The following VPS13B variants were observed in gnomAD, a reference collection of about 807,000 sequenced individuals.
The protein encoded by VPS13B is intermembrane lipid transfer protein VPS13B.
In VPS13B, 285 loss-of-function variants were observed where a neutral mutation model predicts 426.4. The ratio of observed to expected loss-of-function variants is 0.67; its 90% CI spans 0.61 to 0.74. The LOEUF (loss-of-function observed/expected upper bound fraction) is 0.74, where lower values mean the gene tolerates loss of function less well. Ranked by LOEUF, VPS13B falls within the 30% of genes least tolerant of loss-of-function variation. The pLI is 0.00. For synonymous variants in VPS13B, 1,676 were observed against 1,676.4 expected (o/e 1.00, Z 0.01); for missense variants, 4,537 against 4,782.6 (o/e 0.95, Z 1.51).
chr8:99,497,113 A>T (rs1040476647), intron 25 of VPS13B, among the ~76,000 whole-genome samples: 1 of 142,136 alleles, frequency 7.0e-6, no homozygotes, highest in African/African-American at 2.6e-5. Flanking sequence ...TAATATAAAA[A>T]TATATTTATA....
chr8:99,833,505 A>C (rs1418443593), intron 52 of VPS13B, among the ~76,000 whole-genome samples: 1 of 152,198 alleles, frequency 6.6e-6, no homozygotes, highest in East Asian at 1.9e-4. Flanking sequence ...TAAATAAGTT[A>C]TTCATAATGG....
intron 19 of VPS13B, among the ~76,000 whole-genome samples, chr8:99,314,730 C>A (rs556180164): frequency 6.6e-6 from 1 of 152,082 alleles, no homozygotes; most frequent in South Asian, 2.1e-4. Flanking sequence ...GGATTATGAG[C>A]GAGAACCACT....
chr8:99,502,170 GAC>G (rs1270559761), intron 26 of VPS13B, among the ~76,000 whole-genome samples: 1 of 152,122 alleles, frequency 6.6e-6, no homozygotes, highest in African/African-American at 2.4e-5. Flanking sequence ...TTTTAGTAGA[GAC>G]AGGGTTTCTC....
At chr8:99,430,731 G>A (rs1251914438) in intron 21 of VPS13B, among the ~76,000 whole-genome samples, 1 of 125,618 alleles carries the variant, frequency 8.0e-6, no homozygotes, top group African/African-American at 3.2e-5. Flanking sequence ...TTTTGTTGTT[G>A]TTGAGACAGT....
chr8:99,415,617 G>A (rs908985774), intron 21 of VPS13B, among the ~76,000 whole-genome samples: 1 of 152,092 alleles, frequency 6.6e-6, no homozygotes, highest in Admixed American at 6.6e-5. Context: ...CCTTTTTGTT[G>A]ATGTTCATGC....
intron 21 of VPS13B, among the ~76,000 whole-genome samples, chr8:99,416,876 G>C (rs1816047110): frequency 6.6e-6 from 1 of 152,174 alleles, no homozygotes; most frequent in African/African-American, 2.4e-5. Flanking sequence ...CATCTTGCCA[G>C]CCACCTGTGT....
At chr8:99,608,907 T>C (rs1415944025) in intron 33 of VPS13B, among the ~76,000 whole-genome samples, 1 of 152,162 alleles carries the variant, frequency 6.6e-6, no homozygotes, top group Admixed American at 6.5e-5. Context: ...ATATATTTAT[T>C]AGGTGATGGA....
intron 35 of VPS13B, among the ~76,000 whole-genome samples, chr8:99,673,442 T>C (rs1214165830): frequency 3.3e-5 from 5 of 151,986 alleles, no homozygotes; most frequent in African/African-American, 7.2e-5. Context: ...AAGGATTCTT[T>C]GTATCAGTTG....
intron 2 of VPS13B, among the ~76,000 whole-genome samples, chr8:99,030,234 G>A (rs1421479258): frequency 6.7e-5 from 5 of 74,930 alleles, no homozygotes; most frequent in Non-Finnish European, 1.4e-4. Context: ...TTTTTTTTTC[G>A]GCTAACCTGG....
At chr8:99,641,287 C>T (rs748422313) in intron 33 of VPS13B, among the ~76,000 whole-genome samples, 23 of 152,206 alleles carry the variant, frequency 1.5e-4, no homozygotes, top group Non-Finnish European at 1.8e-4. Context: ...TTTTAGTGTA[C>T]TTTTCTTTGT....
chr8:99,437,416 T>A (rs1817440477), intron 22 of VPS13B, among the ~76,000 whole-genome samples: 1 of 151,682 alleles, frequency 6.6e-6, no homozygotes, highest in East Asian at 1.9e-4. Flanking sequence ...AAAAAAAATA[T>A]ATATATATAT....
chr8:99,461,098 C>A (rs755552791), intron 23 of VPS13B, among the ~76,000 whole-genome samples: 2 of 151,884 alleles, frequency 1.3e-5, no homozygotes, highest in African/African-American at 4.8e-5. Flanking sequence ...CCTTATTTGG[C>A]CATAACTGCA....
intron 35 of VPS13B, among the ~76,000 whole-genome samples, chr8:99,685,094 C>T (rs1379929499): frequency 2.6e-5 from 4 of 152,230 alleles, no homozygotes; most frequent in Non-Finnish European, 5.9e-5. Context: ...AGCCACCGCG[C>T]CTGGCCCCAT....
intron 39 of VPS13B, among the ~76,000 whole-genome samples, chr8:99,745,187 T>G (rs1158089306): frequency 6.6e-6 from 1 of 152,086 alleles, no homozygotes; most frequent in African/African-American, 2.4e-5. Flanking sequence ...AACTCCACCT[T>G]CCAAAAAGTG....
intron 35 of VPS13B, among the ~76,000 whole-genome samples, chr8:99,687,613 G>C (rs1230645130): frequency 6.6e-6 from 1 of 151,904 alleles, no homozygotes; most frequent in Non-Finnish European, 1.5e-5. Context: ...TAACAGGGCA[G>C]CATGAGTTCC....
At position 99,438,667 on chromosome 8, in the gene VPS13B, C is replaced by T. The variant is rs372729274; in HGVS notation, c.3211-3734C>T. On this transcript the variant is annotated intron_variant, in intron 22 of 61. Coordinates refer to ENST00000357162, the MANE Select transcript of VPS13B (RefSeq NM_152564.5). ...ACTGTAGGCTTTTAATCTATGGCCC[C>T]AAATCAGGGATATTTAAATTTCTAC... Among the ~76,000 whole-genome samples the T allele has an allele frequency of 6.4e-4, 98 of 152,124 alleles. 1 individual carries two copies. In the South Asian group the frequency reaches 0.02, roughly 32 times the overall value.
chr8:99,078,004 G>C (rs1230334015), intron 3 of VPS13B, among the ~76,000 whole-genome samples: 1 of 150,848 alleles, frequency 6.6e-6, no homozygotes, highest in Non-Finnish European at 1.5e-5. Context: ...TATTCATTGA[G>C]TTTTTCAGTT....
intron 17 of VPS13B, among the ~76,000 whole-genome samples, chr8:99,195,341 C>T (rs2132736846): frequency 6.6e-6 from 1 of 152,166 alleles, no homozygotes; most frequent in South Asian, 2.1e-4. Context: ...TATATGTTGG[C>T]CGTTTGCATT....
chr8:99,495,310 G>A (rs1333011834), intron 25 of VPS13B, among the ~76,000 whole-genome samples: 2 of 152,114 alleles, frequency 1.3e-5, no homozygotes, highest in Non-Finnish European at 2.9e-5. Context: ...ATGTAAATAC[G>A]TAAAACTATA....
Sources: gnomAD v4.1 joint callset for allele counts (sites outside exome capture counted in the v4.1 genomes callset) on GRCh38, gnomAD v4.1.1 for gene constraint, MANE v1.5 for transcripts, NCBI Gene and HGNC (gene_info 2026-07-23, HGNC 2026-07-21) for gene names.